PDE10A: variants seen among roughly 807,000 people sequenced by gnomAD.
PDE10A encodes the protein cAMP and cAMP-inhibited cGMP 3',5'-cyclic phosphodiesterase 10A.
In PDE10A, 39 loss-of-function variants were observed where a neutral mutation model predicts 97.7. That is an observed-to-expected ratio of 0.40 (90% CI 0.31 to 0.52). PDE10A has a LOEUF of 0.52. PDE10A is among the 20% of genes least tolerant of loss of function. PDE10A has a pLI of 0.56. For synonymous variants in PDE10A, 371 were observed against 376.8 expected (o/e 0.98, Z 0.18); for missense variants, 731 against 1,047.8 (o/e 0.70, Z 4.17).
At chr6:165,758,753 A>C (rs1793184507) in intron 1 of PDE10A, among the ~76,000 whole-genome samples, 1 of 151,764 alleles carries the variant, frequency 6.6e-6, no homozygotes, top group Non-Finnish European at 1.5e-5. Context: ...AGAGGAAAAA[A>C]CCCAGGATTT....
At chr6:165,732,735 C>CA (rs1431372480) in intron 1 of PDE10A, among the ~76,000 whole-genome samples, 1 of 152,194 alleles carries the variant, frequency 6.6e-6, no homozygotes, top group Non-Finnish European at 1.5e-5. Flanking sequence ...GCGTCACATC[C>CA]AAAATCTCCC....
chr6:165,688,029 C>T (rs975215070), intron 1 of PDE10A, among the ~76,000 whole-genome samples: 2 of 152,308 alleles, frequency 1.3e-5, no homozygotes, highest in Middle Eastern at 3.4e-3. Context: ...GAGGCCAGCA[C>T]ACGCACACCC....
At chr6:165,675,988 G>A (rs1186108549) in intron 1 of PDE10A, among the ~76,000 whole-genome samples, 1 of 152,182 alleles carries the variant, frequency 6.6e-6, no homozygotes, top group Non-Finnish European at 1.5e-5. Flanking sequence ...ATCACCCTAA[G>A]TGTCCGTCAG....
At chr6:165,931,246 C>G (rs892328081) in intron 1 of PDE10A, among the ~76,000 whole-genome samples, 9 of 152,206 alleles carry the variant, frequency 5.9e-5, no homozygotes, top group African/African-American at 1.9e-4. Flanking sequence ...TGCTCTGTTC[C>G]TTGGCTGCAG....
chr6:165,551,137 C>A (rs766919121), intron 1 of PDE10A, among the ~76,000 whole-genome samples: 2 of 152,170 alleles, frequency 1.3e-5, no homozygotes, highest in Non-Finnish European at 2.9e-5. Flanking sequence ...TTCTCCCCAA[C>A]TGCATACAAT....
At chr6:165,646,962 G>C (rs570010563) in intron 1 of PDE10A, among the ~76,000 whole-genome samples, 2 of 152,228 alleles carry the variant, frequency 1.3e-5, no homozygotes, top group Admixed American at 6.5e-5. Flanking sequence ...TGATAGCTTT[G>C]TTTCAGATAA....
intron 18 of PDE10A, among the ~76,000 whole-genome samples, chr6:165,375,077 C>T (rs1020959924): frequency 2.0e-5 from 3 of 152,166 alleles, no homozygotes; most frequent in Non-Finnish European, 4.4e-5. Flanking sequence ...TGTCCTTGAA[C>T]ATCCTTGTTC....
At chr6:165,455,643 C>T (rs1234179466) in intron 3 of PDE10A, among the ~76,000 whole-genome samples, 5 of 152,208 alleles carry the variant, frequency 3.3e-5, no homozygotes, top group South Asian at 4.1e-4. Context: ...CTGAGAGCCT[C>T]GGCTGTAGAA....
Position 165,388,304 on chromosome 6 carries a change from G to A in PDE10A, c.2604C>T (p.Ile868=). 6.2e-7 allele frequency: 1 copy of A among 1,613,942 alleles called. No homozygotes were observed. The highest frequency in any genetic ancestry group is 1.1e-5 in the South Asian group (1 of 91,070). The part of the protein sequence containing the change: ...EQHHFSQTVS[I]LQLEGHNIFS... ...ACGGCGTGCAGTGACTCACCTGGAG[G>A]ATGGACACAGTCTGGGAGAAGTGGT... Residue 868 remains isoleucine, a synonymous_variant, in exon 17 of 22, where the codon ATC becomes ATT. Coordinates refer to ENST00000539869, the MANE Select transcript of PDE10A (RefSeq NM_001385079.1). The surrounding 1 kb of genome is among the most constrained non-coding windows in gnomAD (Gnocchi z 4.0).
chr6:165,958,050 C>T (rs1423705844), intron 1 of PDE10A, among the ~76,000 whole-genome samples: 5 of 152,154 alleles, frequency 3.3e-5, no homozygotes, highest in Non-Finnish European at 7.3e-5. Context: ...ATTATTGAGA[C>T]ATATTTCTGA....
At chr6:165,484,027 TAGAAAA>T (rs1562509668) in intron 2 of PDE10A, among the ~76,000 whole-genome samples, 1 of 152,260 alleles carries the variant, frequency 6.6e-6, no homozygotes, top group Non-Finnish European at 1.5e-5. Context: ...GGAGCTGATT[TAGAAAA>T]TCAATGTCTC....
chr6:165,384,043 T>C (rs1024443864), intron 17 of PDE10A, among the ~76,000 whole-genome samples: 11 of 152,118 alleles, frequency 7.2e-5, no homozygotes, highest in African/African-American at 2.7e-4. Flanking sequence ...GAAAGACTTG[T>C]ATATCCACTA....
intron 1 of PDE10A, among the ~76,000 whole-genome samples, chr6:165,545,787 A>G (rs1372183701): frequency 6.6e-6 from 1 of 152,120 alleles, no homozygotes; most frequent in Admixed American, 6.5e-5. Flanking sequence ...GATGCAAAGC[A>G]ACAAAAATTA....
At chr6:165,510,925 T>C (rs1156845550) in intron 2 of PDE10A, among the ~76,000 whole-genome samples, 2 of 152,012 alleles carry the variant, frequency 1.3e-5, no homozygotes, top group African/African-American at 2.4e-5. Flanking sequence ...TCTCTTAGTC[T>C]AACTAATGGT....
intron 1 of PDE10A, among the ~76,000 whole-genome samples, chr6:165,808,032 C>T (rs763401602): frequency 7.9e-5 from 12 of 152,132 alleles, no homozygotes; most frequent in Non-Finnish European, 1.3e-4. Context: ...AGTGAAGGCA[C>T]GGGGGTCTTG....
At chr6:165,948,383 GAGGAGGTTCCACCTCTC>G (rs1562813084) in intron 1 of PDE10A, 1 of 152,220 alleles carries the variant, frequency 6.6e-6, no homozygotes, top group African/African-American at 2.4e-5. Context: ...CCTTCCTGGG[GAGGAGGTTCCACCTCTC>G]AGTAGTGGGT....
intron 1 of PDE10A, among the ~76,000 whole-genome samples, chr6:165,646,119 G>C (rs1163936921): frequency 6.6e-6 from 1 of 152,174 alleles, no homozygotes; most frequent in Admixed American, 6.5e-5. Context: ...GCAGCATCAG[G>C]AACGCGAGGG....
chr6:165,586,542 G>C (rs529864504), intron 1 of PDE10A, among the ~76,000 whole-genome samples: 1 of 152,014 alleles, frequency 6.6e-6, no homozygotes, highest in Non-Finnish European at 1.5e-5. Context: ...ATATCAAAAG[G>C]CCTAAAAGAA....
At chr6:165,895,789 G>A (rs1170550207) in intron 1 of PDE10A, among the ~76,000 whole-genome samples, 5 of 152,006 alleles carry the variant, frequency 3.3e-5, no homozygotes, top group Non-Finnish European at 4.4e-5. Flanking sequence ...TGAGGGCCTC[G>A]GCATCCTCAG....
Sources: allele counts gnomAD v4.1 joint callset (sites outside exome capture counted in the v4.1 genomes callset), GRCh38; gene constraint gnomAD v4.1.1; non-coding constraint Gnocchi (gnomAD v3.1); transcripts MANE v1.5; gene names NCBI Gene and HGNC (gene_info 2026-07-23, HGNC 2026-07-21).